SMPD1: variants seen among roughly 807,000 people sequenced by gnomAD.
SMPD1 encodes sphingomyelin phosphodiesterase.
SMPD1 carries 47 observed loss-of-function variants against 49.7 expected under a neutral mutation model. The ratio of observed to expected loss-of-function variants is 0.95; its 90% CI spans 0.75 to 1.21. The LOEUF (loss-of-function observed/expected upper bound fraction) is 1.21, where lower values mean the gene tolerates loss of function less well. SMPD1 is among the 50% of genes most tolerant of loss of function. The probability of loss-of-function intolerance (pLI) is 0.00; values close to 1 mark genes in which losing one functional copy is unlikely to be tolerated. For missense variants in SMPD1, 811 were observed against 822.2 expected (o/e 0.99, Z 0.17); for synonymous variants, 336 against 339.6 (o/e 0.99, Z 0.12).
At position 6,391,675 on chromosome 11, in the gene SMPD1, C is replaced by A; in HGVS notation, c.610C>A (p.Leu204Ile). Residue 204 changes from leucine to isoleucine, a missense_variant, in exon 2 of 6, where the codon CTC becomes ATC. Leu to Ile is a conservative substitution (Grantham distance 5). Transcript: ENST00000342245. ...PAPGAPVSRILFLTDLHWDHD... is the reference protein window; with the variant it reads ...PAPGAPVSRIIFLTDLHWDHD... Reference sequence around the variant, plus strand: ...CCCAGGTGCCCCTGTCAGCCGCATCCTCTTCCTCACTGACCTGCACTGGGA... The same window carrying A: ...CCCAGGTGCCCCTGTCAGCCGCATCATCTTCCTCACTGACCTGCACTGGGA... The A allele has an allele frequency of 1.2e-6, 2 of 1,606,166 alleles. No individual in the cohort carries two copies. Among genetic ancestry groups the A allele is most frequent in the African/African-American group, 2.7e-5 (2 of 74,536 alleles).
chr11:6,393,315 C>T lies in SMPD1; in HGVS notation c.1191C>T (p.Asn397=), dbSNP rs766418804. 1 of 1,614,046 alleles carries T rather than the reference C, an allele frequency of 6.2e-7. No individual in the cohort carries two copies. Among genetic ancestry groups the T allele is most frequent in the Non-Finnish European group, 8.5e-7 (1 of 1,179,892 alleles). ...CSRENFWLLI[N]STDPAGQLQW... ...GTGAGAACTTCTGGCTCTTGATCAACTCCACGGATCCCGCAGGACAGCTCC... is the reference window on the plus strand; with the variant it reads ...GTGAGAACTTCTGGCTCTTGATCAATTCCACGGATCCCGCAGGACAGCTCC... The change falls in exon 3 of 6, where the codon AAC becomes AAT. Residue 397 remains asparagine, a synonymous_variant. Transcript: ENST00000342245.
At position 6,394,381 on chromosome 11, in the gene SMPD1, A is replaced by G. The variant is rs1210912758; in HGVS notation, c.1670A>G (p.Asn557Ser). Reference protein sequence around the residue: ...LPNTLPTAWHNLVYRMRGDMQ... With the variant: ...LPNTLPTAWHSLVYRMRGDMQ... ...AACACACTGCCTACCGCCTGGCACA[A>G]CCTGGTATATCGCATGCGGGGCGAC... The change falls in exon 6 of 6, where the codon AAC (asparagine) becomes AGC (serine). Residue 557 changes from asparagine to serine, a missense_variant. Coordinates refer to ENST00000342245, the MANE Select transcript of SMPD1 (RefSeq NM_000543.5). 6.2e-7 allele frequency: 1 copy of G among 1,614,184 alleles called. No individual in the cohort carries two copies. The highest frequency in any genetic ancestry group is 1.3e-5 in the African/African-American group (1 of 75,056).
In SMPD1 at chr11:6,394,267, A is replaced by G. The variant is rs371837210; in HGVS notation, c.1556A>G (p.Tyr519Cys). The change falls in exon 6 of 6, where the codon TAC becomes TGC. Residue 519 changes from tyrosine to cysteine, a missense_variant. Transcript: ENST00000342245. ...CACGTGGTCCTGGACCATGAGACCT[A>G]CATCCTGAATCTGACCCAGGCAAAC... ...SSHVVLDHET[Y>C]ILNLTQANIP... The G allele has an allele frequency of 6.2e-7, 1 of 1,614,186 alleles. No homozygotes were observed. Among genetic ancestry groups the G allele is most frequent in the Non-Finnish European group, 8.5e-7 (1 of 1,180,024 alleles).
chr11:6,391,886 T>C lies in SMPD1; in HGVS notation c.821T>C (p.Met274Thr). 3 of 1,614,144 alleles carry C rather than the reference T, an allele frequency of 1.9e-6. No homozygotes were observed. Among genetic ancestry groups the C allele is most frequent in the Non-Finnish European group, 2.5e-6 (3 of 1,180,022 alleles). The change falls in exon 2 of 6, where the codon ATG (methionine) becomes ACG (threonine). Residue 274 changes from methionine to threonine, a missense_variant. Met to Thr is a moderately conservative substitution (Grantham distance 81). Transcript: ENST00000342245. ...CTGGGCCCAGCCGGCCCTTTTGATATGGTGTACTGGACAGGAGACATCCCC... is the reference window on the plus strand; with the variant it reads ...CTGGGCCCAGCCGGCCCTTTTGATACGGTGTACTGGACAGGAGACATCCCC... The part of the protein sequence containing the change: ...SGLGPAGPFD[M>T]VYWTGDIPAH...
rs747342458 is a variant in SMPD1 at position 6,394,445 on chromosome 11, G to A, written c.1734G>A (p.Lys578=). ...AGACCTTCTGGTTTCTCTACCATAA[G>A]GGCCACCCACCCTCGGAGCCCTGTG... ...LFQTFWFLYH[K]GHPPSEPCGT... The change falls in exon 6 of 6, where the codon AAG becomes AAA. Residue 578 remains lysine, a synonymous_variant. Coordinates refer to ENST00000342245, the MANE Select transcript of SMPD1 (RefSeq NM_000543.5). 7 of 1,614,192 alleles carry A rather than the reference G, an allele frequency of 4.3e-6. No individual in the cohort carries two copies. The South Asian group carries it at 4.4e-5, about 10-fold the overall frequency.
At position 6,391,436 on chromosome 11, in the gene SMPD1, T is replaced by G. The variant is rs747531830; in HGVS notation, c.371T>G (p.Leu124Arg). The change falls in exon 2 of 6, where the codon CTG (leucine) becomes CGG (arginine). Residue 124 changes from leucine (L) to arginine (R), a missense_variant. Transcript: ENST00000342245. The stretch of plus-strand genomic sequence containing the variant: ...TCCGTGGCCATCAAGCTGTGCAATC[T>G]GCTGAAGATAGCACCACCTGCCGTG... ...VGSVAIKLCN[L>R]LKIAPPAVCQ... The G allele has an allele frequency of 1.2e-5, 19 of 1,613,608 alleles. No homozygotes were observed. The East Asian group carries it at 4.0e-4, about 34-fold the overall frequency.
Position 6,391,631 on chromosome 11 carries a change from A to ACCCCC in SMPD1, c.566_567insCCCCC (p.Lys189AsnfsTer70). On this transcript the variant is annotated frameshift_variant, in exon 2 of 6. Transcript: ENST00000342245. LOFTEE classifies it high-confidence loss of function. ...CCTACTGTGCCGAAGCCGCCCCCCA[A>ACCCCC]ACCCCCTAGCCCCCCAGCCCCAGGT... 1 of 1,081,152 alleles carries ACCCCC rather than the reference A, an allele frequency of 9.2e-7. No homozygotes were observed. The highest frequency in any genetic ancestry group is 1.3e-6 in the Non-Finnish European group (1 of 781,848). 67.0% of individuals were successfully genotyped at this position (1,081,152 alleles called of 1,614,324 possible).
intron 2 of SMPD1, 127 bp downstream of exon 2, chr11:6,392,283 C>G (rs2134013867): frequency 1.0e-6 from 1 of 957,592 alleles, no homozygotes; most frequent in East Asian, 2.6e-5. Context: ...ATTTGGCTCC[C>G]CTAATCTGAC....
At position 6,390,524 on chromosome 11, in the gene SMPD1, G is replaced by A. The variant is rs909351066; in HGVS notation, c.-75G>A. ...ATCGGGTGTCCCCGGCGCCGCCCGG[G>A]GCCCTGAGGGCTGGCTAGGGTCCAG... On this transcript the variant is annotated 5_prime_UTR_variant, in exon 1 of 6. Coordinates refer to ENST00000342245, the MANE Select transcript of SMPD1 (RefSeq NM_000543.5). 3 of 1,564,506 alleles carry A rather than the reference G, an allele frequency of 1.9e-6. No homozygotes were observed. The highest frequency in any genetic ancestry group is 4.7e-5 in the East Asian group (2 of 42,838).
In SMPD1 at chr11:6,391,524, G is replaced by A. The variant is rs1405395835; in HGVS notation, c.459G>A (p.Leu153=). The A allele has an allele frequency of 2.5e-6, 4 of 1,614,012 alleles. No individual in the cohort carries two copies. Among genetic ancestry groups the A allele is most frequent in the Admixed American group, 1.7e-5 (1 of 60,030 alleles). The change falls in exon 2 of 6, where the codon CTG becomes CTA. Residue 153 remains leucine, a synonymous_variant. Coordinates refer to ENST00000342245, the MANE Select transcript of SMPD1 (RefSeq NM_000543.5). ...TGGAGGTGTGGAGACGCTCAGTGCT[G>A]AGCCCATCTGAGGCCTGTGGCCTGC... ...DMVEVWRRSV[L]SPSEACGLLL...
Position 6,393,998 on chromosome 11 carries a change from C to A in SMPD1, c.1443C>A (p.Ala481=). Reference sequence around the variant, plus strand: ...CTCTGAGCCGGCCGCTGGCTGTAGCCTTCCTGGCACCCAGTGCAACTACCT... The same window carrying A: ...CTCTGAGCCGGCCGCTGGCTGTAGCATTCCTGGCACCCAGTGCAACTACCT... ...EETLSRPLAV[A]FLAPSATTYI... Residue 481 remains alanine, a synonymous_variant, in exon 5 of 6, where the codon GCC becomes GCA. Transcript: ENST00000342245. The A allele has an allele frequency of 1.9e-6, 3 of 1,614,202 alleles. No individual in the cohort carries two copies. The highest frequency in any genetic ancestry group is 2.5e-6 in the Non-Finnish European group (3 of 1,180,044).
intron 2 of SMPD1, among the ~76,000 whole-genome samples, chr11:6,392,457 C>G (rs1847972884): frequency 7.0e-6 from 1 of 143,540 alleles, no homozygotes; most frequent in African/African-American, 2.6e-5. Context: ...GCTGGGACCA[C>G]AGGCATCAGC....
At position 6,392,011 on chromosome 11, in the gene SMPD1, C is replaced by A; in HGVS notation, c.946C>A (p.Pro316Thr). The change falls in exon 2 of 6, where the codon CCT (proline) becomes ACT (threonine). Residue 316 changes from proline (P) to threonine (T), a missense_variant. Transcript: ENST00000342245. ...RKFLGPVPVY[P>T]AVGNHESTPV... ...GTTCCTGGGGCCAGTGCCAGTGTAC[C>A]CTGCTGTGGGTAACCATGAAAGCAC... 1.4e-5 allele frequency: 23 copies of A among 1,614,216 alleles called. No individual in the cohort carries two copies. The highest frequency in any genetic ancestry group is 1.9e-5 in the Non-Finnish European group (22 of 1,180,032).
At chr11:6,393,483 C>A in intron 3 of SMPD1, 96 bp downstream of exon 3, 1 of 1,445,910 alleles carries the variant, frequency 6.9e-7, no homozygotes, top group Non-Finnish European at 9.7e-7. Context: ...ATTTTCCTGG[C>A]ATTCCCAACA....
chr11:6,391,601 C>A lies in SMPD1; in HGVS notation c.536C>A (p.Ser179Tyr), dbSNP rs1215635747. Residue 179 changes from serine (S) to tyrosine (Y), a missense_variant, in exon 2 of 6, where the codon TCT becomes TAT. By Grantham distance (144) the Ser-to-Tyr change is moderately radical. Coordinates refer to ENST00000342245, the MANE Select transcript of SMPD1 (RefSeq NM_000543.5). ...HWDIFSSWNI[S>Y]LPTVPKPPPK... ...GACATTTTCTCATCTTGGAACATCTCTTTGCCTACTGTGCCGAAGCCGCCC... is the reference window on the plus strand; with the variant it reads ...GACATTTTCTCATCTTGGAACATCTATTTGCCTACTGTGCCGAAGCCGCCC... The A allele has an allele frequency of 6.2e-7, 1 of 1,605,230 alleles. No homozygotes were observed. Among genetic ancestry groups the A allele is most frequent in the Non-Finnish European group, 8.5e-7 (1 of 1,175,966 alleles).
In SMPD1 at chr11:6,390,932, G is replaced by A. The variant is rs1590736393; in HGVS notation, c.318+16G>A. On this transcript the variant is annotated intron_variant, in intron 1 of 5. Transcript: ENST00000342245. ...CGGGCTGAAGGTGAGCACTGAAGGG[G>A]CTGCAGTGGAGGAGGCCGAAAGGAG... The A allele has an allele frequency of 6.2e-7, 1 of 1,613,718 alleles. No individual in the cohort carries two copies. Among genetic ancestry groups the A allele is most frequent in the Non-Finnish European group, 8.5e-7 (1 of 1,179,984 alleles).
intron 2 of SMPD1, 65 bp from the exon 3 acceptor site, chr11:6,393,151 A>G: frequency 4.2e-6 from 6 of 1,437,124 alleles, no homozygotes; most frequent in Non-Finnish European, 5.8e-6. Flanking sequence ...CCTCCACCCA[A>G]ATGCCCAGCA....
intron 2 of SMPD1, among the ~76,000 whole-genome samples, chr11:6,392,772 C>T (rs1847992780): frequency 1.3e-5 from 2 of 152,012 alleles, no homozygotes; most frequent in South Asian, 4.2e-4. Context: ...GGATTACAGG[C>T]ATGAACCACT....
rs928901036 is a variant in SMPD1, at chr11:6,390,801, G to A, written c.203G>A (p.Gly68Asp). ...GAGGCTCACCCTCTTTCTCCCCAAG[G>A]CCATCCTGCCAGGTTACATCGCATA... ...PAEAHPLSPQ[G>D]HPARLHRIVP... The change falls in exon 1 of 6, where the codon GGC becomes GAC. Residue 68 changes from glycine (G) to aspartate (D), a missense_variant. By Grantham distance (94) the Gly-to-Asp change is moderately conservative (BLOSUM62 -1). Coordinates refer to ENST00000342245, the MANE Select transcript of SMPD1 (RefSeq NM_000543.5). 4 of 1,614,128 alleles carry A rather than the reference G, an allele frequency of 2.5e-6. No homozygotes were observed. Among genetic ancestry groups the A allele is most frequent in the Non-Finnish European group, 3.4e-6 (4 of 1,180,002 alleles).
Sources: gnomAD v4.1 joint callset for allele counts (sites outside exome capture counted in the v4.1 genomes callset) on GRCh38, gnomAD v4.1.1 for gene constraint, MANE v1.5 for transcripts, NCBI Gene and HGNC (gene_info 2026-07-23, HGNC 2026-07-21) for gene names.